PCDHA5: variants seen among roughly 807,000 people sequenced by gnomAD.
PCDHA5 encodes protocadherin alpha-5.
A neutral mutation model predicts 61.6 loss-of-function variants in PCDHA5; 43 were observed. The observed-to-expected ratio is 0.70, with a 90% CI of 0.55 to 0.90. PCDHA5 has a LOEUF of 0.90. Among genes scored for constraint, PCDHA5 ranks in the 40% least tolerant of loss-of-function variants. The probability of loss-of-function intolerance (pLI) is 0.00; values close to 1 mark genes in which losing one functional copy is unlikely to be tolerated. For synonymous variants in PCDHA5, 627 were observed against 543.9 expected, an observed-to-expected ratio of 1.15 and a Z score of -2.13; for missense variants, 1,298 against 1,222.7, an observed-to-expected ratio of 1.06 and a Z score of -0.92.
intron 1 of PCDHA5, chr5:140,859,924 T>C (rs1554152837): frequency 6.6e-6 from 1 of 151,964 alleles, no homozygotes; most frequent in African/African-American, 2.4e-5. Flanking sequence ...ATAAGTAATA[T>C]AAAAAACTTA....
At chr5:140,857,244 C>G in intron 1 of PCDHA5, 1 of 1,598,592 alleles carries the variant, frequency 6.3e-7, no homozygotes, top group Non-Finnish European at 8.6e-7. Context: ...CTGGTGTCCA[C>G]CTACAAGAAT....
chr5:140,871,072 G>T, intron 1 of PCDHA5: 1 of 1,613,238 alleles, frequency 6.2e-7, no homozygotes, highest in South Asian at 1.1e-5. Context: ...CGGTGAGCCG[G>T]CGCTGACGGC....
chr5:140,945,701 CA>C (rs1563215722), intron 1 of PCDHA5, among the ~76,000 whole-genome samples: 1 of 151,988 alleles, frequency 6.6e-6, no homozygotes, highest in Non-Finnish European at 1.5e-5. Context: ...CACTGATTTG[CA>C]ACAAAAGTAT....
chr5:140,998,275 A>G (rs1554256218), intron 3 of PCDHA5, among the ~76,000 whole-genome samples: 1 of 152,198 alleles, frequency 6.6e-6, no homozygotes, highest in African/African-American at 2.4e-5. Context: ...TGACACCCAT[A>G]GGATTAAATC....
chr5:141,008,941 G>T, intron 3 of PCDHA5, among the ~76,000 whole-genome samples: 1 of 152,140 alleles, frequency 6.6e-6, no homozygotes, highest in East Asian at 1.9e-4. Context: ...TCTTGTTTTG[G>T]ACAAAATAGA....
At position 140,853,772 on chromosome 5, in the gene PCDHA5, T is replaced by C. The variant is rs1315934965; in HGVS notation, c.2352+29645T>C. 8 of 988,006 alleles carry C rather than the reference T, an allele frequency of 8.1e-6. No homozygotes were observed. The African/African-American group carries it at 1.4e-4, about 17-fold the overall frequency. 61.2% of individuals were successfully genotyped at this position (988,006 alleles called of 1,614,324 possible). On this transcript the variant is annotated intron_variant, in intron 1 of 3. Coordinates refer to ENST00000529859, the MANE Select transcript of PCDHA5 (RefSeq NM_018908.3). Reference sequence around the variant, plus strand: ...AGGCTCCACCTCAGAAATTCTGAAATGGGTAGTAAGAGCAAATTTTCATTT... The same window carrying C: ...AGGCTCCACCTCAGAAATTCTGAAACGGGTAGTAAGAGCAAATTTTCATTT...
chr5:140,882,213 T>C, intron 1 of PCDHA5: 2 of 1,538,576 alleles, frequency 1.3e-6, no homozygotes, highest in Non-Finnish European at 1.8e-6. Flanking sequence ...TGAGAGACAG[T>C]TTGAGGTAAG....
chr5:140,858,438 T>C (rs1175682550), intron 1 of PCDHA5: 1 of 1,540,812 alleles, frequency 6.5e-7, no homozygotes, highest in Admixed American at 2.0e-5. Context: ...TCTAGGAAGG[T>C]GGGTTATTAC....
At chr5:140,906,041 A>T (rs1257569280) in intron 1 of PCDHA5, among the ~76,000 whole-genome samples, 1 of 152,128 alleles carries the variant, frequency 6.6e-6, no homozygotes, top group Non-Finnish European at 1.5e-5. Context: ...GTCTGCTTTT[A>T]TTCTGGCTGC....
chr5:140,993,128 T>A (rs1250312762), intron 3 of PCDHA5, among the ~76,000 whole-genome samples: 2 of 152,234 alleles, frequency 1.3e-5, no homozygotes, highest in Non-Finnish European at 2.9e-5. Flanking sequence ...AATTTCCTTC[T>A]GTTGCAACAA....
intron 1 of PCDHA5, chr5:140,854,061 C>T: frequency 3.6e-6 from 1 of 279,894 alleles, no homozygotes; most frequent in Non-Finnish European, 5.4e-6. Flanking sequence ...ACTCAGGAGG[C>T]TGAGGCGAGA....
chr5:140,852,882 C>A (rs1562485802), intron 1 of PCDHA5: 2 of 936,178 alleles, frequency 2.1e-6, no homozygotes, highest in South Asian at 4.9e-5. Flanking sequence ...AATCATAAAA[C>A]GTATTTTTTT....
intron 1 of PCDHA5, chr5:140,928,442 A>G (rs781976941): frequency 1.2e-6 from 2 of 1,614,166 alleles, no homozygotes; most frequent in South Asian, 1.1e-5. Flanking sequence ...GACTTTGAGC[A>G]GCTCAGGGGG....
intron 1 of PCDHA5, among the ~76,000 whole-genome samples, chr5:140,878,642 A>T (rs868995118): frequency 6.6e-6 from 1 of 152,216 alleles, no homozygotes; most frequent in East Asian, 1.9e-4. Context: ...TTCTATTTCT[A>T]CAAAAATATC....
At chr5:140,883,888 T>C (rs781919107) in intron 1 of PCDHA5, 12 of 1,612,946 alleles carry the variant, frequency 7.4e-6, no homozygotes, top group African/African-American at 5.4e-5. Flanking sequence ...CGCGCGACTC[T>C]GGCGTGCCGC....
At chr5:140,985,203 T>C (rs1274620928) in intron 3 of PCDHA5, among the ~76,000 whole-genome samples, 1 of 152,092 alleles carries the variant, frequency 6.6e-6, no homozygotes, top group Non-Finnish European at 1.5e-5. Flanking sequence ...TCCCAAAGTG[T>C]TGGGATTACA....
rs2060245016 is a variant in PCDHA5 at position 140,884,536 on chromosome 5, G to C, written c.2352+60409G>C. 5 of 1,614,090 alleles carry C rather than the reference G, an allele frequency of 3.1e-6. No individual in the cohort carries two copies. In the East Asian group the frequency reaches 1.1e-4, roughly 36 times the overall value. ...GGTCGTACTCGCAGCAGAGGCGGCC[G>C]AGGGTGTGCTCTGGGGAGGGCCCGC... On this transcript the variant is annotated intron_variant, in intron 1 of 3. Transcript: ENST00000529859.
rs1281739668 is a variant in PCDHA5, at chr5:140,966,815, C to T, written c.2353-12134C>T. On this transcript the variant is annotated intron_variant, in intron 1 of 3. Transcript: ENST00000529859. The stretch of plus-strand genomic sequence containing the variant: ...TGCGGCGACAGAGCATCCACGGCTC[C>T]GGCGGCCCATGCCCTGGCTGCTGCT... 1.9e-6 allele frequency: 3 copies of T among 1,552,884 alleles called. No individual in the cohort carries two copies. The highest frequency in any genetic ancestry group is 1.7e-6 in the Non-Finnish European group (2 of 1,153,182).
chr5:140,978,704 G>A (rs1250477330), intron 1 of PCDHA5, among the ~76,000 whole-genome samples: 1 of 152,242 alleles, frequency 6.6e-6, no homozygotes, highest in African/African-American at 2.4e-5. Flanking sequence ...GCCAAAGGTG[G>A]CCTTTACAAG....
Sources: allele counts gnomAD v4.1 joint callset (sites outside exome capture counted in the v4.1 genomes callset), GRCh38; gene constraint gnomAD v4.1.1; transcripts MANE v1.5; gene names NCBI Gene and HGNC (gene_info 2026-07-23, HGNC 2026-07-21).